The following STMND1 variants were observed in gnomAD, a reference collection of about 807,000 sequenced individuals.
The protein encoded by STMND1 is stathmin domain-containing protein 1.
In STMND1, 17 loss-of-function variants were observed where a neutral mutation model predicts 23.0. The ratio of observed to expected loss-of-function variants is 0.74; its 90% CI spans 0.51 to 1.11. The LOEUF is 1.11. STMND1 is among the 50% of genes least tolerant of loss of function. The pLI, the probability that STMND1 is intolerant of heterozygous loss-of-function variation, is 0.00. For synonymous variants in STMND1, 114 were observed against 119.9 expected, an observed-to-expected ratio of 0.95 and a Z score of 0.32; for missense variants, 305 against 329.1, an observed-to-expected ratio of 0.93 and a Z score of 0.57.
In STMND1 at chr6:17,102,449, G is replaced by A. The variant is rs923654630; in HGVS notation, c.81+111G>A. 3.1e-6 allele frequency: 4 copies of A among 1,296,202 alleles called. No individual in the cohort carries two copies. The African/African-American group carries it at 5.9e-5, about 19-fold the overall frequency. The allele number at this position is 1,296,202 out of a possible 1,614,324, so 80.3% of individuals were successfully genotyped here. On this transcript the variant is annotated intron_variant, in intron 1 of 4. Transcript: ENST00000536551. ...ACAAGAGTTGGCTGGAGCAGGGTCG[G>A]TCGAGGCTAGTTAACAGGTGGGAGC...
chr6:17,124,467 G>T (rs1320133293), intron 3 of STMND1, among the ~76,000 whole-genome samples: 2 of 152,182 alleles, frequency 1.3e-5, no homozygotes, highest in East Asian at 3.9e-4. Context: ...TGAAAATTGA[G>T]GGTTCACCTT....
intron 4 of STMND1, among the ~76,000 whole-genome samples, chr6:17,129,758 G>T (rs1305549766): frequency 1.3e-5 from 2 of 151,988 alleles, no homozygotes; most frequent in Non-Finnish European, 2.9e-5. Context: ...GCAGGAGAAT[G>T]GCGTGAACCC....
intron 1 of STMND1, chr6:17,110,422 C>A: frequency 6.0e-6 from 1 of 166,604 alleles, no homozygotes. Flanking sequence ...TGAGGCCCTT[C>A]AAAGACTCGG....
chr6:17,107,504 A>G (rs1450361975), intron 1 of STMND1, among the ~76,000 whole-genome samples: 4 of 152,196 alleles, frequency 2.6e-5, no homozygotes, highest in Non-Finnish European at 4.4e-5. Context: ...AAAATAGAAC[A>G]TTCTACTCAC....
At chr6:17,123,772 G>C (rs1761261200) in intron 3 of STMND1, among the ~76,000 whole-genome samples, 1 of 152,094 alleles carries the variant, frequency 6.6e-6, no homozygotes, top group African/African-American at 2.4e-5. Flanking sequence ...TACCATTTCA[G>C]GAATAGGAAC....
intron 2 of STMND1, among the ~76,000 whole-genome samples, chr6:17,117,832 C>T (rs550646701): frequency 6.6e-6 from 1 of 151,440 alleles, no homozygotes; most frequent in African/African-American, 2.4e-5. Flanking sequence ...AGGTGCCTGC[C>T]ACCACACTTG....
At chr6:17,104,797 T>C (rs1000345103) in intron 1 of STMND1, among the ~76,000 whole-genome samples, 3 of 152,060 alleles carry the variant, frequency 2.0e-5, no homozygotes, top group African/African-American at 7.2e-5. Flanking sequence ...ACAAGCTAGG[T>C]TTGATTTCTA....
chr6:17,115,152 TG>T lies in STMND1; in HGVS notation c.259+14del. The stretch of plus-strand genomic sequence containing the variant: ...CGAGTAAATTCAGGTAACCTCCCTC[TG>T]CCCCCATTCACGTAGATCTTCACAA... On this transcript the variant is annotated intron_variant, in intron 2 of 4. Transcript: ENST00000536551. The T allele has an allele frequency of 6.5e-7, 1 of 1,530,930 alleles. No individual in the cohort carries two copies. The highest frequency in any genetic ancestry group is 1.2e-5 in the South Asian group (1 of 83,118). 94.8% of individuals were successfully genotyped at this position (1,530,930 alleles called of 1,614,324 possible).
At chr6:17,115,726 C>T (rs905166547) in intron 2 of STMND1, among the ~76,000 whole-genome samples, 1 of 152,166 alleles carries the variant, frequency 6.6e-6, no homozygotes, top group Non-Finnish European at 1.5e-5. Context: ...TATTTATATT[C>T]GGTCAGCCTT....
intron 4 of STMND1, 66 bp downstream of exon 4, chr6:17,129,309 A>G: frequency 6.8e-7 from 1 of 1,471,230 alleles, no homozygotes; most frequent in Non-Finnish European, 9.0e-7. Context: ...CTCACCCCAG[A>G]GCTTTCCTAT....
intron 2 of STMND1, among the ~76,000 whole-genome samples, chr6:17,117,471 G>A (rs1417189273): frequency 6.6e-6 from 1 of 151,974 alleles, no homozygotes; most frequent in Non-Finnish European, 1.5e-5. Flanking sequence ...TTCTGATTCA[G>A]GATCTGTCTA....
intron 1 of STMND1, among the ~76,000 whole-genome samples, chr6:17,111,297 A>C (rs904210624): frequency 6.6e-6 from 1 of 152,210 alleles, no homozygotes; most frequent in African/African-American, 2.4e-5. Flanking sequence ...TGCAGTATTT[A>C]TCGAGGGCCT....
chr6:17,120,864 C>T, intron 3 of STMND1, 106 bp downstream of exon 3: 2 of 911,128 alleles, frequency 2.2e-6, no homozygotes, highest in Non-Finnish European at 3.1e-6. Context: ...ATACAGATAA[C>T]AGCATTTATT....
intron 1 of STMND1, chr6:17,111,014 T>A (rs1313351193): frequency 1.2e-5 from 4 of 334,872 alleles, no homozygotes; most frequent in Non-Finnish European, 2.4e-5. Context: ...AAAGTTTTTC[T>A]GAACACATTA....
At chr6:17,119,154 A>G (rs1235102976) in intron 2 of STMND1, among the ~76,000 whole-genome samples, 3 of 152,206 alleles carry the variant, frequency 2.0e-5, no homozygotes, top group Non-Finnish European at 4.4e-5. Context: ...AAATCTGTAC[A>G]GAGCGCTTTA....
rs146971753 is a variant in STMND1, at chr6:17,115,958, C to T, written c.259+819C>T. Among the ~76,000 whole-genome samples the T allele has an allele frequency of 3.2e-3, 487 of 152,328 alleles. 3 individuals are homozygous for T. Among genetic ancestry groups the T allele is most frequent in the African/African-American group, 0.011 (450 of 41,578 alleles). On this transcript the variant is annotated intron_variant, in intron 2 of 4. Transcript: ENST00000536551. ...CCCCTTGCTGTAGTCAGCGTGACCT[C>T]AGAGAATGACTAGGAGGTTGAGGAA... is the stretch of plus-strand genomic sequence containing the variant.
At chr6:17,125,655 G>A (rs1761285723) in intron 3 of STMND1, among the ~76,000 whole-genome samples, 1 of 152,066 alleles carries the variant, frequency 6.6e-6, no homozygotes, top group African/African-American at 2.4e-5. Context: ...ACTCAATAAC[G>A]CCAGCTAATG....
At position 17,120,663 on chromosome 6, in the gene STMND1, C is replaced by A. The variant is rs1304600800; in HGVS notation, c.316C>A (p.Gln106Lys). 1.3e-6 allele frequency: 2 copies of A among 1,535,218 alleles called. No homozygotes were observed. Among genetic ancestry groups the A allele is most frequent in the African/African-American group, 2.7e-5 (2 of 72,964 alleles). Reference sequence around the variant, plus strand: ...CCAATCCCTAGAGAGTCGAGAGCGACAGAAGTCATCAGATATCCTGGAGGA... The same window carrying A: ...CCAATCCCTAGAGAGTCGAGAGCGAAAGAAGTCATCAGATATCCTGGAGGA... ...KPQSLESRER[Q>K]KSSDILEELI... Residue 106 changes from glutamine (Q) to lysine (K), a missense_variant, in exon 3 of 5, where the codon CAG (glutamine) becomes AAG (lysine). Gln to Lys is a moderately conservative substitution (Grantham distance 53, BLOSUM62 1). Coordinates refer to ENST00000536551, the MANE Select transcript of STMND1 (RefSeq NM_001190766.2).
chr6:17,122,823 A>C (rs551973109), intron 3 of STMND1, among the ~76,000 whole-genome samples: 9 of 152,298 alleles, frequency 5.9e-5, no homozygotes, highest in Non-Finnish European at 1.2e-4. Flanking sequence ...CGCTAGCATG[A>C]TACAAGGCAT....
Sources: gnomAD v4.1 joint callset for allele counts (sites outside exome capture counted in the v4.1 genomes callset) on GRCh38, gnomAD v4.1.1 for gene constraint, MANE v1.5 for transcripts, NCBI Gene and HGNC (gene_info 2026-07-23, HGNC 2026-07-21) for gene names.